DOK5: variants seen among roughly 807,000 people sequenced by gnomAD.
DOK5 encodes the protein docking protein 5.
DOK5 carries 27 observed loss-of-function variants against 43.3 expected under a neutral mutation model. The observed-to-expected ratio is 0.62, with a 90% CI of 0.46 to 0.86. The LOEUF is 0.86. Ranked by LOEUF, DOK5 falls within the 40% of genes least tolerant of loss-of-function variation. DOK5 has a pLI of 0.00. For missense variants in DOK5, 373 were observed against 392.9 expected (o/e 0.95, Z 0.43); for synonymous variants, 146 against 140.1 (o/e 1.04, Z -0.30).
intron 7 of DOK5, among the ~76,000 whole-genome samples, chr20:54,644,239 G>T (rs910656689): frequency 6.6e-6 from 1 of 152,182 alleles, no homozygotes; most frequent in Non-Finnish European, 1.5e-5. Context: ...GCATGATGCA[G>T]AACAGCCCAT....
At chr20:54,623,191 G>A (rs1273113163) in intron 6 of DOK5, among the ~76,000 whole-genome samples, 2 of 152,088 alleles carry the variant, frequency 1.3e-5, no homozygotes, top group African/African-American at 2.4e-5. Flanking sequence ...TCAACAATGG[G>A]GTCCCATTGG....
At chr20:54,516,013 G>C (rs1983185850) in intron 1 of DOK5, among the ~76,000 whole-genome samples, 1 of 152,134 alleles carries the variant, frequency 6.6e-6, no homozygotes, top group South Asian at 2.1e-4. Flanking sequence ...AAGTGGACAG[G>C]GAAAGCAAAA....
At chr20:54,577,935 G>A (rs1310745488) in intron 2 of DOK5, among the ~76,000 whole-genome samples, 1 of 152,162 alleles carries the variant, frequency 6.6e-6, no homozygotes, top group Non-Finnish European at 1.5e-5. Flanking sequence ...CAGTTGCAAG[G>A]GCTGAGAGGG....
chr20:54,603,938 G>GTTT (rs1555835292), intron 5 of DOK5, among the ~76,000 whole-genome samples: 3 of 114,466 alleles, frequency 2.6e-5, no homozygotes, highest in African/African-American at 7.9e-5. Flanking sequence ...TGTTCAAACT[G>GTTT]TATTTTTTTT....
At chr20:54,539,621 T>C (rs2146714033) in intron 1 of DOK5, among the ~76,000 whole-genome samples, 1 of 152,320 alleles carries the variant, frequency 6.6e-6, no homozygotes, top group South Asian at 2.1e-4. Flanking sequence ...GGCTCCCGCT[T>C]GCTCCAGAAG....
intron 6 of DOK5, among the ~76,000 whole-genome samples, chr20:54,619,028 TATATATA>T (rs1986904076): frequency 3.9e-5 from 1 of 25,378 alleles, no homozygotes; most frequent in East Asian, 3.1e-3. Flanking sequence ...ATAAATTATA[TATATATA>T]TATATATATA....
chr20:54,558,965 A>G (rs1287920465), intron 2 of DOK5, among the ~76,000 whole-genome samples: 1 of 152,194 alleles, frequency 6.6e-6, no homozygotes, highest in East Asian at 1.9e-4. Context: ...TAATGCACAT[A>G]TAGAACAATT....
intron 5 of DOK5, among the ~76,000 whole-genome samples, chr20:54,595,504 A>G (rs1986113602): frequency 6.6e-6 from 1 of 152,202 alleles, no homozygotes; most frequent in African/African-American, 2.4e-5. Context: ...CTTTACCAAC[A>G]TGCTGACTTG....
intron 1 of DOK5, among the ~76,000 whole-genome samples, chr20:54,479,872 AT>A: frequency 6.6e-6 from 1 of 152,044 alleles, no homozygotes; most frequent in East Asian, 1.9e-4. Flanking sequence ...CCTTGGTGTC[AT>A]TTCACTCTTC....
chr20:54,594,649 C>T (rs1322245797), intron 5 of DOK5, among the ~76,000 whole-genome samples: 6 of 152,042 alleles, frequency 3.9e-5, no homozygotes, highest in Admixed American at 3.3e-4. Context: ...TTTTGGGCAG[C>T]ACTTATTCAA....
intron 1 of DOK5, among the ~76,000 whole-genome samples, chr20:54,522,346 A>C (rs955451356): frequency 6.6e-6 from 1 of 152,232 alleles, no homozygotes; most frequent in African/African-American, 2.4e-5. Context: ...ATAGACACTC[A>C]ATCAGTACTT....
At chr20:54,501,193 C>T (rs1177630719) in intron 1 of DOK5, among the ~76,000 whole-genome samples, 11 of 151,036 alleles carry the variant, frequency 7.3e-5, no homozygotes, top group Admixed American at 2.6e-4. Context: ...TGGGGCTGGG[C>T]GCGGTGGCTC....
At chr20:54,569,533 G>A (rs1224292866) in intron 2 of DOK5, among the ~76,000 whole-genome samples, 1 of 152,172 alleles carries the variant, frequency 6.6e-6, no homozygotes, top group Non-Finnish European at 1.5e-5. Flanking sequence ...TCAGACTAAT[G>A]TTTGTGGACG....
At chr20:54,641,627 C>T (rs1979122695) in intron 6 of DOK5, among the ~76,000 whole-genome samples, 1 of 151,728 alleles carries the variant, frequency 6.6e-6, no homozygotes, top group Non-Finnish European at 1.5e-5. Context: ...TAGGTAAGTC[C>T]AAGTAGGTAT....
chr20:54,541,031 C>T (rs982146257), intron 1 of DOK5, among the ~76,000 whole-genome samples: 2 of 152,174 alleles, frequency 1.3e-5, no homozygotes, highest in African/African-American at 4.8e-5. Flanking sequence ...ATATCCCCAT[C>T]CCCAAACTTC....
At chr20:54,643,628 C>A in intron 7 of DOK5, 50 bp downstream of exon 7, 1 of 1,578,414 alleles carries the variant, frequency 6.3e-7, no homozygotes, top group Non-Finnish European at 8.6e-7. Flanking sequence ...CCTGGGAGTA[C>A]TGGGGAGGGG....
At chr20:54,616,784 C>CTTTTTTTTTTT (rs550110589) in intron 6 of DOK5, among the ~76,000 whole-genome samples, 3 of 105,758 alleles carry the variant, frequency 2.8e-5, no homozygotes, top group African/African-American at 3.9e-5. Context: ...TTTTTTTTTT[C>CTTTTTTTTTTT]TTTTTTTTTT....
At chr20:54,484,633 C>A (rs1017985492) in intron 1 of DOK5, among the ~76,000 whole-genome samples, 3 of 152,170 alleles carry the variant, frequency 2.0e-5, no homozygotes, top group Non-Finnish European at 4.4e-5. Context: ...TATATAGCTG[C>A]CCCTCCTGCC....
chr20:54,572,467 A>G (rs544054589), intron 2 of DOK5, among the ~76,000 whole-genome samples: 1 of 152,130 alleles, frequency 6.6e-6, no homozygotes, highest in African/African-American at 2.4e-5. Context: ...CGGCCGCAAC[A>G]TTCTTATATG....
Sources: allele counts gnomAD v4.1 joint callset (sites outside exome capture counted in the v4.1 genomes callset), GRCh38; gene constraint gnomAD v4.1.1; transcripts MANE v1.5; gene names NCBI Gene and HGNC (gene_info 2026-07-23, HGNC 2026-07-21).